The following CABIN1 variants were observed in gnomAD, a reference collection of about 807,000 sequenced individuals.
CABIN1 encodes the protein calcineurin-binding protein cabin-1.
In CABIN1, 133 loss-of-function variants were observed where a neutral mutation model predicts 227.7. The ratio of observed to expected loss-of-function variants is 0.58; its 90% CI spans 0.51 to 0.67. CABIN1 has a LOEUF of 0.67. Ranked by LOEUF, CABIN1 falls within the 30% of genes least tolerant of loss-of-function variation. The probability of loss-of-function intolerance (pLI) is 0.00; values close to 1 mark genes in which losing one functional copy is unlikely to be tolerated. For synonymous variants in CABIN1, 1,086 were observed against 1,155.1 expected, an observed-to-expected ratio of 0.94 and a Z score of 1.21; for missense variants, 2,408 against 2,852.5, an observed-to-expected ratio of 0.84 and a Z score of 3.55.
intron 16 of CABIN1, among the ~76,000 whole-genome samples, chr22:24,069,895 G>A (rs2051199): frequency 0.058 from 8,818 of 152,204 alleles, 305 homozygotes; most frequent in South Asian, 0.11. Flanking sequence ...CCGCTGCCAG[G>A]CCTGGGCTGT....
At chr22:24,171,048 C>T (rs1446939562) in intron 33 of CABIN1, among the ~76,000 whole-genome samples, 1 of 152,212 alleles carries the variant, frequency 6.6e-6, no homozygotes, top group African/African-American at 2.4e-5. Flanking sequence ...GTGAAAAGAA[C>T]CCCAAAAGGG....
In CABIN1 at chr22:24,171,609, C is replaced by T. The variant is rs548607302; in HGVS notation, c.5758-104C>T. 50 of 1,364,048 alleles carry T rather than the reference C, an allele frequency of 3.7e-5. No homozygotes were observed. The African/African-American group carries it at 5.1e-4, about 14-fold the overall frequency. 84.5% of individuals were successfully genotyped at this position (1,364,048 alleles called of 1,614,324 possible). On this transcript the variant is annotated intron_variant, in intron 33 of 36. Transcript: ENST00000263119. ...TATGGGCAGTGTTGGCAGCCCCAGG[C>T]GCACAGGATGTCCTGTGGGACAGCA...
At chr22:24,066,837 A>G (rs2039716373) in intron 15 of CABIN1, 150 bp from the exon 16 acceptor site, 8 of 711,564 alleles carry the variant, frequency 1.1e-5, no homozygotes, top group Middle Eastern at 3.8e-4. Context: ...ACACTGATGT[A>G]TGAAGGAGGA....
intron 29 of CABIN1, among the ~76,000 whole-genome samples, chr22:24,162,870 G>A (rs144812095): frequency 4.5e-4 from 69 of 152,340 alleles, no homozygotes; most frequent in African/African-American, 1.7e-3. Context: ...CCTCACGGGT[G>A]TGTCTGTTGG....
At chr22:24,074,267 C>T (rs1345560195) in intron 18 of CABIN1, among the ~76,000 whole-genome samples, 1 of 151,380 alleles carries the variant, frequency 6.6e-6, no homozygotes, top group African/African-American at 2.4e-5. Flanking sequence ...CAAGTAAATG[C>T]GGATAGAGGA....
intron 1 of CABIN1, among the ~76,000 whole-genome samples, chr22:24,028,281 T>C (rs1224345915): frequency 6.6e-6 from 1 of 152,208 alleles, no homozygotes; most frequent in Non-Finnish European, 1.5e-5. Flanking sequence ...AAAAACACAG[T>C]ACCTGTGAAG....
chr22:24,077,362 G>C (rs58998571), intron 19 of CABIN1, among the ~76,000 whole-genome samples: 3,992 of 152,286 alleles, frequency 0.026, 138 homozygotes, highest in East Asian at 0.14. Context: ...CATAGTAGGT[G>C]CTTAATAAAT....
In CABIN1 at chr22:24,167,130, G is replaced by A. The variant is rs781528000; in HGVS notation, c.5499G>A (p.Gly1833=). ...APATTTGTRA[G]GHPEEPLSRL... Reference sequence around the variant, plus strand: ...CCACCACCACAGGGACCAGGGCAGGGGGCCACCCGGAGGAGCCGCTCTCCC... The same window carrying A: ...CCACCACCACAGGGACCAGGGCAGGAGGCCACCCGGAGGAGCCGCTCTCCC... Residue 1833 remains glycine (G), a synonymous_variant, in exon 32 of 37, where the codon GGG becomes GGA. Transcript: ENST00000263119. 2 of 1,583,106 alleles carry A rather than the reference G, an allele frequency of 1.3e-6. No homozygotes were observed. The highest frequency in any genetic ancestry group is 2.7e-5 in the African/African-American group (2 of 74,678).
At chr22:24,139,312 C>T (rs1204933877) in intron 29 of CABIN1, among the ~76,000 whole-genome samples, 1 of 152,098 alleles carries the variant, frequency 6.6e-6, no homozygotes, top group African/African-American at 2.4e-5. Flanking sequence ...CAGTGGCTCA[C>T]GCCTGTAATC....
At chr22:24,148,342 T>C (rs1379389223) in intron 29 of CABIN1, among the ~76,000 whole-genome samples, 1 of 152,202 alleles carries the variant, frequency 6.6e-6, no homozygotes. Context: ...CCAGACTCTC[T>C]AAGGGCCCTG....
intron 8 of CABIN1, among the ~76,000 whole-genome samples, chr22:24,051,462 GTC>G (rs1257174997): frequency 6.6e-6 from 1 of 152,090 alleles, no homozygotes. Flanking sequence ...TGATGTGAGA[GTC>G]TCTCTCTCTC....
chr22:24,120,947 T>A (rs1673800672), intron 28 of CABIN1, among the ~76,000 whole-genome samples: 1 of 152,098 alleles, frequency 6.6e-6, no homozygotes, highest in Non-Finnish European at 1.5e-5. Flanking sequence ...AGACACCTTT[T>A]GTGCTGAGAC....
At chr22:24,111,384 C>T (rs139354524) in intron 26 of CABIN1, among the ~76,000 whole-genome samples, 219 of 152,326 alleles carry the variant, frequency 1.4e-3, no homozygotes, top group Non-Finnish European at 2.6e-3. Flanking sequence ...AGCACTACCA[C>T]CTGAGCCCTG....
In CABIN1 at chr22:24,067,166, G is replaced by A. The variant is rs766809067; in HGVS notation, c.2217G>A (p.Gln739=). The A allele has an allele frequency of 4.5e-5, 72 of 1,614,150 alleles. No individual in the cohort carries two copies. Among genetic ancestry groups the A allele is most frequent in the Non-Finnish European group, 5.9e-5 (70 of 1,180,058 alleles). ...CTTCCATTCCTGAGAGGCCAGCCCAGCTGCTTCTTCTGCAGGTGTGTGCTG... is the reference window on the plus strand; with the variant it reads ...CTTCCATTCCTGAGAGGCCAGCCCAACTGCTTCTTCTGCAGGTGTGTGCTG... ...FMTSIPERPA[Q]LLLLQDSLLR... is the part of the protein sequence containing the mutation. The change falls in exon 16 of 37, where the codon CAG becomes CAA. Residue 739 remains glutamine, a synonymous_variant. Transcript: ENST00000263119.
At position 24,059,442 on chromosome 22, in the gene CABIN1, G is replaced by C. The variant is rs9624392; in HGVS notation, c.1399+79G>C. The C allele has an allele frequency of 3.2e-3, 4,917 of 1,545,164 alleles. 143 individuals carry two copies. In the African/African-American group the frequency reaches 0.058, roughly 18 times the overall value. ...CTATAACCTGCTTATGTTTTGTTCT[G>C]GGAGAATGGTTCTGGGGTGTTTTTT... On this transcript the variant is annotated intron_variant, in intron 11 of 36. Coordinates refer to ENST00000263119, the MANE Select transcript of CABIN1 (RefSeq NM_012295.4).
intron 1 of CABIN1, among the ~76,000 whole-genome samples, chr22:24,022,798 T>A (rs1181160488): frequency 6.6e-6 from 1 of 152,250 alleles, no homozygotes; most frequent in Non-Finnish European, 1.5e-5. Context: ...TCATCATGGT[T>A]TTAATTCATA....
At chr22:24,111,953 T>C (rs998404325) in intron 26 of CABIN1, among the ~76,000 whole-genome samples, 1 of 152,242 alleles carries the variant, frequency 6.6e-6, no homozygotes, top group African/African-American at 2.4e-5. Context: ...TGCTTTTTTT[T>C]ATCTCACTGC....
chr22:24,117,614 C>T (rs916928389), intron 27 of CABIN1, among the ~76,000 whole-genome samples: 1 of 152,028 alleles, frequency 6.6e-6, no homozygotes, highest in African/African-American at 2.4e-5. Flanking sequence ...GAGAGAGGGG[C>T]GGCTGAGCGG....
At position 24,167,018 on chromosome 22, in the gene CABIN1, A is replaced by T. The variant is rs1470924130; in HGVS notation, c.5387A>T (p.Glu1796Val). 1.3e-6 allele frequency: 2 copies of T among 1,556,322 alleles called. No individual in the cohort carries two copies. Among genetic ancestry groups the T allele is most frequent in the Non-Finnish European group, 1.7e-6 (2 of 1,150,790 alleles). The change falls in exon 32 of 37, where the codon GAG (glutamate) becomes GTG (valine). Residue 1796 changes from glutamate to valine, a missense_variant. Glu to Val is a moderately radical substitution (Grantham distance 121). This residue lies in a region of CABIN1 where 714 missense variants were observed against 773.8 expected (regional missense o/e 0.92). Coordinates refer to ENST00000263119, the MANE Select transcript of CABIN1 (RefSeq NM_012295.4). Reference sequence around the variant, plus strand: ...CGGGGCCCCGAGAGCCGGCCCACTGAGCTGTCCCTGGAGGAGCTGAGCATC... The same window carrying T: ...CGGGGCCCCGAGAGCCGGCCCACTGTGCTGTCCCTGGAGGAGCTGAGCATC... ...RDRGPESRPT[E>V]LSLEELSISA...
Sources: allele counts gnomAD v4.1 joint callset (sites outside exome capture counted in the v4.1 genomes callset), GRCh38; gene constraint gnomAD v4.1.1; regional missense constraint gnomAD v4.1.1; transcripts MANE v1.5; gene names NCBI Gene and HGNC (gene_info 2026-07-23, HGNC 2026-07-21).